Variants in RPS6KA4 observed in about 807,000 individuals in gnomAD.
The protein encoded by RPS6KA4 is ribosomal protein S6 kinase A4.
A neutral mutation model predicts 89.6 loss-of-function variants in RPS6KA4; 38 were observed. That is an observed-to-expected ratio of 0.42 (90% CI 0.33 to 0.56). The LOEUF (loss-of-function observed/expected upper bound fraction) is 0.56, where lower values mean the gene tolerates loss of function less well. Ranked by LOEUF, RPS6KA4 falls within the 20% of genes least tolerant of loss-of-function variation. RPS6KA4 has a pLI of 0.07. For missense variants in RPS6KA4, 873 were observed against 1,098.8 expected, an observed-to-expected ratio of 0.79 and a Z score of 2.90; for synonymous variants, 495 against 492.8, an observed-to-expected ratio of 1.00 and a Z score of -0.06.
At position 64,370,367 on chromosome 11, in the gene RPS6KA4, C is replaced by T. The variant is rs1419182914; in HGVS notation, c.1940C>T (p.Ala647Val). 1.2e-6 allele frequency: 2 copies of T among 1,609,678 alleles called. No homozygotes were observed. Among genetic ancestry groups the T allele is most frequent in the East Asian group, 2.2e-5 (1 of 44,794 alleles). ...GEAWQGVSEEAKELVRGLLTV... is the reference protein window; with the variant it reads ...GEAWQGVSEEVKELVRGLLTV... ...GCCTGGCAGGGTGTATCCGAGGAAG[C>T]CAAGGAGCTGGTCCGAGGTGCGGAG... Residue 647 changes from alanine (A) to valine (V), a missense_variant, in exon 15 of 17, where the codon GCC becomes GTC. By Grantham distance (64) the Ala-to-Val change is moderately conservative. This residue lies in a region of RPS6KA4 where 278 missense variants were observed against 284.8 expected (regional missense o/e 0.98). Coordinates refer to ENST00000334205, the MANE Select transcript of RPS6KA4 (RefSeq NM_003942.3). This position sits in a 1 kb window ranked among gnomAD's most constrained non-coding sequence, Gnocchi z 4.1.
chr11:64,370,387 G>A lies in RPS6KA4; in HGVS notation c.1957+3G>A. 1 of 1,610,874 alleles carries A rather than the reference G, an allele frequency of 6.2e-7. No homozygotes were observed. The highest frequency in any genetic ancestry group is 8.5e-7 in the Non-Finnish European group (1 of 1,178,990). Reference sequence around the variant, plus strand: ...GGAAGCCAAGGAGCTGGTCCGAGGTGCGGAGCTGGAGGTCATAGACCATGG... The same window carrying A: ...GGAAGCCAAGGAGCTGGTCCGAGGTACGGAGCTGGAGGTCATAGACCATGG... On this transcript the variant is annotated splice_donor_region_variant and intron_variant, in intron 15 of 16. Coordinates refer to ENST00000334205, the MANE Select transcript of RPS6KA4 (RefSeq NM_003942.3). This position sits in a 1 kb window ranked among gnomAD's most constrained non-coding sequence, Gnocchi z 4.1.
At position 64,368,257 on chromosome 11, in the gene RPS6KA4, G is replaced by A. The variant is rs1312009585; in HGVS notation, c.1197G>A (p.Met399Ile). The A allele has an allele frequency of 6.2e-7, 1 of 1,613,296 alleles. No individual in the cohort carries two copies. Among genetic ancestry groups the A allele is most frequent in the Non-Finnish European group, 8.5e-7 (1 of 1,179,994 alleles). The change falls in exon 10 of 17, where the codon ATG (methionine) becomes ATA (isoleucine). Residue 399 changes from methionine to isoleucine, a missense_variant. Met to Ile is a conservative substitution (Grantham distance 10, BLOSUM62 1). This residue lies in a region of RPS6KA4 where 542 missense variants were observed against 736.4 expected (regional missense o/e 0.74). Coordinates refer to ENST00000334205, the MANE Select transcript of RPS6KA4 (RefSeq NM_003942.3). ...GRAAVARSAM[M>I]QDSPFFQQYE... is the part of the protein sequence containing the mutation. Reference sequence around the variant, plus strand: ...CAGCGGTGGCCAGGAGCGCTATGATGCAGGTGGGCTGGGCTGGGCTGGGTT... The same window carrying A: ...CAGCGGTGGCCAGGAGCGCTATGATACAGGTGGGCTGGGCTGGGCTGGGTT...
At position 64,368,113 on chromosome 11, in the gene RPS6KA4, C is replaced by T. The variant is rs762529483; in HGVS notation, c.1072-19C>T. Reference sequence around the variant, plus strand: ...CAACCCCCATGCCCATGCCCATTCCCCGGACTCCCGCCCTGCAGGGATACT... The same window carrying T: ...CAACCCCCATGCCCATGCCCATTCCTCGGACTCCCGCCCTGCAGGGATACT... On this transcript the variant is annotated intron_variant, in intron 9 of 16. Coordinates refer to ENST00000334205, the MANE Select transcript of RPS6KA4 (RefSeq NM_003942.3). The T allele has an allele frequency of 7.4e-6, 12 of 1,612,336 alleles. No individual in the cohort carries two copies. The East Asian group carries it at 2.2e-4, about 30-fold the overall frequency.
At chr11:64,359,911 G>A (rs2036695688) in intron 2 of RPS6KA4, 3 of 552,028 alleles carry the variant, frequency 5.4e-6, no homozygotes, top group East Asian at 6.0e-5. Flanking sequence ...CCCATGCCTC[G>A]CAGCAGGCCC....
chr11:64,368,425 T>C, intron 10 of RPS6KA4, 43 bp from the exon 11 acceptor site: 1 of 1,544,430 alleles, frequency 6.5e-7, no homozygotes, highest in South Asian at 1.2e-5. Context: ...AGGTGGGACC[T>C]CTGACGCGCC....
rs570851614 is a variant in RPS6KA4 at position 64,371,509 on chromosome 11, T to C, written c.*29T>C. ...CCACCACTGTGACCCCCTTCCCTCA[T>C]AGGGGCTGTGACCTGGGAGCCCGGC... On this transcript the variant is annotated 3_prime_UTR_variant, in exon 17 of 17. Coordinates refer to ENST00000334205, the MANE Select transcript of RPS6KA4 (RefSeq NM_003942.3). The C allele has an allele frequency of 4.2e-5, 37 of 872,640 alleles. No homozygotes were observed. Among genetic ancestry groups the C allele is most frequent in the Admixed American group, 1.9e-4 (8 of 41,158 alleles). 54.1% of individuals were successfully genotyped at this position (872,640 alleles called of 1,614,324 possible).
At position 64,371,397 on chromosome 11, in the gene RPS6KA4, C is replaced by G. The variant is rs772135024; in HGVS notation, c.2236C>G (p.Pro746Ala). Residue 746 changes from proline (P) to alanine (A), a missense_variant, in exon 17 of 17, where the codon CCT (proline) becomes GCT (alanine). Pro to Ala is a conservative substitution (Grantham distance 27). Coordinates refer to ENST00000334205, the MANE Select transcript of RPS6KA4 (RefSeq NM_003942.3). Reference sequence around the variant, plus strand: ...CGCCACCGCCTCCCGCCGGGGCTCCCCTGCACCAGCCAACCCGGGCCGAGC... The same window carrying G: ...CGCCACCGCCTCCCGCCGGGGCTCCGCTGCACCAGCCAACCCGGGCCGAGC... Reference protein sequence around the residue: ...RSATASRRGSPAPANPGRAPV... With the variant: ...RSATASRRGSAAPANPGRAPV... The G allele has an allele frequency of 6.2e-7, 1 of 1,611,118 alleles. No individual in the cohort carries two copies. Among genetic ancestry groups the G allele is most frequent in the Non-Finnish European group, 8.5e-7 (1 of 1,179,078 alleles).
rs1451179445 is a variant in RPS6KA4, at chr11:64,370,860, C to G, written c.2121+134C>G. 16 of 1,159,212 alleles carry G rather than the reference C, an allele frequency of 1.4e-5. No homozygotes were observed. Among genetic ancestry groups the G allele is most frequent in the Non-Finnish European group, 1.8e-5 (15 of 852,254 alleles). The allele number at this position is 1,159,212 out of a possible 1,614,324, so 71.8% of individuals were successfully genotyped here. On this transcript the variant is annotated intron_variant, in intron 16 of 16. Coordinates refer to ENST00000334205, the MANE Select transcript of RPS6KA4 (RefSeq NM_003942.3). The surrounding 1 kb of genome is among the most constrained non-coding windows in gnomAD (Gnocchi z 4.1). ...GTGGCTCACGCCTGTAATCCCAGCG[C>G]TTTGGGAGGCCGAGGCGGGCGGATC...
At chr11:64,363,209 T>C (rs1407649170) in intron 8 of RPS6KA4, among the ~76,000 whole-genome samples, 2 of 152,226 alleles carry the variant, frequency 1.3e-5, no homozygotes, top group East Asian at 3.8e-4. Context: ...GTGTTACTCA[T>C]ACTTCGAGTG....
chr11:64,360,437 C>T (rs377675763), intron 3 of RPS6KA4, 40 bp from the exon 4 acceptor site: 2 of 1,591,512 alleles, frequency 1.3e-6, no homozygotes, highest in Non-Finnish European at 1.7e-6. Flanking sequence ...GGCGAGGCCA[C>T]CTGACGGGGC....
intron 8 of RPS6KA4, 109 bp from the exon 9 acceptor site, chr11:64,365,192 C>A: frequency 1.5e-6 from 2 of 1,317,224 alleles, no homozygotes; most frequent in South Asian, 1.4e-5. Flanking sequence ...ACCCCAAATG[C>A]CAGATGGGCC....
chr11:64,359,527 GC>G, intron 2 of RPS6KA4, 78 bp downstream of exon 2: 4 of 1,487,002 alleles, frequency 2.7e-6, no homozygotes, highest in Non-Finnish European at 3.7e-6. Context: ...TTGGGCCTGG[GC>G]CAGGCCACTG....
rs201540645 is a variant in RPS6KA4, at chr11:64,359,226, C to T, written c.-10C>T. On this transcript the variant is annotated 5_prime_UTR_variant, in exon 1 of 17. Transcript: ENST00000334205. Reference sequence around the variant, plus strand: ...GCCCGAGCCGCGCGGGCCCCAGCGACCCGCCCGCCATGGGGGACGAGGACG... The same window carrying T: ...GCCCGAGCCGCGCGGGCCCCAGCGATCCGCCCGCCATGGGGGACGAGGACG... 2.5e-3 allele frequency: 3,315 copies of T among 1,351,958 alleles called. 6 individuals are homozygous for T. Among genetic ancestry groups the T allele is most frequent in the Non-Finnish European group, 2.7e-3 (2,834 of 1,042,420 alleles). 83.7% of individuals were successfully genotyped at this position (1,351,958 alleles called of 1,614,324 possible).
rs370930795 is a variant in RPS6KA4 at position 64,361,677 on chromosome 11, C to T, written c.687C>T (p.Phe229=). The change falls in exon 7 of 17, where the codon TTC becomes TTT. Residue 229 remains phenylalanine (F), a synonymous_variant. Coordinates refer to ENST00000334205, the MANE Select transcript of RPS6KA4 (RefSeq NM_003942.3). This position sits in a 1 kb window ranked among gnomAD's most constrained non-coding sequence, Gnocchi z 4.7. Reference sequence around the variant, plus strand: ...GGTGGAGCCTGGGCATCTTGCTCTTCGAGCTGCTGACGGGGGCCTCGCCCT... The same window carrying T: ...GGTGGAGCCTGGGCATCTTGCTCTTTGAGCTGCTGACGGGGGCCTCGCCCT... ...VDWWSLGILL[F]ELLTGASPFT... 25 of 1,612,412 alleles carry T rather than the reference C, an allele frequency of 1.6e-5. No individual in the cohort carries two copies. Among genetic ancestry groups the T allele is most frequent in the African/African-American group, 1.5e-4 (11 of 74,810 alleles).
At chr11:64,360,644 T>G in intron 4 of RPS6KA4, 52 bp downstream of exon 4, 1 of 1,471,666 alleles carries the variant, frequency 6.8e-7, no homozygotes, top group African/African-American at 1.4e-5. Flanking sequence ...GGTCTGTGCC[T>G]TGGAAGGAAT....
chr11:64,368,441 C>T, intron 10 of RPS6KA4, 27 bp from the exon 11 acceptor site: 2 of 1,544,230 alleles, frequency 1.3e-6, no homozygotes, highest in South Asian at 1.2e-5. Flanking sequence ...GCGCCGCCTT[C>T]GCCTTCGCCT....
At chr11:64,368,089 A>G (rs776159309) in intron 9 of RPS6KA4, 43 bp from the exon 10 acceptor site, 1 of 1,603,724 alleles carries the variant, frequency 6.2e-7, no homozygotes, top group Non-Finnish European at 8.5e-7. Flanking sequence ...CCGCACCCCC[A>G]ACCCCCATGC....
In RPS6KA4 at chr11:64,360,040, C is replaced by A. The variant is rs147388924; in HGVS notation, c.128-123C>A. 1,141 of 893,876 alleles carry A rather than the reference C, an allele frequency of 1.3e-3. 8 individuals are homozygous for A. The African/African-American group carries it at 0.018, about 14-fold the overall frequency. The allele number at this position is 893,876 out of a possible 1,614,324, so 55.4% of individuals were successfully genotyped here. On this transcript the variant is annotated intron_variant, in intron 2 of 16. Coordinates refer to ENST00000334205, the MANE Select transcript of RPS6KA4 (RefSeq NM_003942.3). ...GCTCTGCCAGCTTTTTGCACACCTG[C>A]CTGTTGCCCCAGCTCCTTCGCCTCA...
chr11:64,369,833 G>T lies in RPS6KA4; in HGVS notation c.1737G>T (p.Glu579Asp). The change falls in exon 14 of 17, where the codon GAG becomes GAT. Residue 579 changes from glutamate to aspartate, a missense_variant. By Grantham distance (45) the Glu-to-Asp change is conservative. Around this residue, in one of 4 missense-constraint regions of RPS6KA4, gnomAD observed 278 missense variants for 284.8 expected, o/e 0.98. Coordinates refer to ENST00000334205, the MANE Select transcript of RPS6KA4 (RefSeq NM_003942.3). ...PCFTLQYAAP[E>D]LLAQQGYDES... ...TCACGCTGCAGTACGCTGCCCCCGA[G>T]CTGCTGGCGCAGCAGGGCTACGACG... The T allele has an allele frequency of 6.3e-7, 1 of 1,590,618 alleles. No homozygotes were observed. The highest frequency in any genetic ancestry group is 8.6e-7 in the Non-Finnish European group (1 of 1,169,526).
Sources: gnomAD v4.1 joint callset for allele counts (sites outside exome capture counted in the v4.1 genomes callset) on GRCh38, gnomAD v4.1.1 for gene constraint, gnomAD v4.1.1 regional missense constraint, Gnocchi (gnomAD v3.1) non-coding constraint, MANE v1.5 for transcripts, NCBI Gene and HGNC (gene_info 2026-07-23, HGNC 2026-07-21) for gene names.